Variants in ATP1B3 observed in about 807,000 individuals in gnomAD.
The protein encoded by ATP1B3 is ATPase Na+/K+ transporting subunit beta 3.
ATP1B3 carries 10 observed loss-of-function variants against 30.2 expected under a neutral mutation model. The observed-to-expected ratio is 0.33, with a 90% CI of 0.20 to 0.56. The LOEUF is 0.56. ATP1B3 is among the 20% of genes least tolerant of loss of function. ATP1B3 has a pLI of 0.90. For synonymous variants in ATP1B3, 113 were observed against 117.0 expected (o/e 0.97, Z 0.22); for missense variants, 238 against 336.7 (o/e 0.71, Z 2.29).
At chr3:141,892,662 A>AAC (rs1268645648) in intron 1 of ATP1B3, among the ~76,000 whole-genome samples, 2 of 151,160 alleles carry the variant, frequency 1.3e-5, no homozygotes, top group East Asian at 3.9e-4. Context: ...AAAAAAAAAA[A>AAC]AAAAAAAAAA....
chr3:141,884,185 C>T (rs1577956147), intron 1 of ATP1B3, among the ~76,000 whole-genome samples: 1 of 151,964 alleles, frequency 6.6e-6, no homozygotes, highest in Non-Finnish European at 1.5e-5. Flanking sequence ...TCCCACATAC[C>T]TGTTTAAACT....
chr3:141,889,756 T>TATAC lies in ATP1B3; in HGVS notation c.109+12847_109+12848insTACA, dbSNP rs1201511323. 1.9e-3 allele frequency among the ~76,000 whole-genome samples: 156 copies of TATAC among 84,026 alleles called. 4 individuals carry two copies. Among genetic ancestry groups the TATAC allele is most frequent in the East Asian group, 4.7e-3 (12 of 2,548 alleles). 55.1% of individuals were successfully genotyped at this position (84,026 alleles called of 152,430 possible). A position where few individuals can be genotyped will look rare whatever the true frequency, so the allele number is the denominator to read the frequency against. ...AAAAAAAAAAAAAAAAAAAAATATA[T>TATAC]ACACACACACACACACACACACACA... On this transcript the variant is annotated intron_variant, in intron 1 of 6. Coordinates refer to ENST00000286371, the MANE Select transcript of ATP1B3 (RefSeq NM_001679.4).
intron 5 of ATP1B3, chr3:141,916,549 A>G: frequency 1.6e-6 from 2 of 1,288,216 alleles, no homozygotes; most frequent in Non-Finnish European, 2.0e-6. Context: ...TGCAAATGCC[A>G]CTAAGACAAA....
chr3:141,889,294 C>T (rs1273366087), intron 1 of ATP1B3, among the ~76,000 whole-genome samples: 5 of 151,964 alleles, frequency 3.3e-5, no homozygotes, highest in African/African-American at 9.7e-5. Context: ...GGAGATTATA[C>T]TATAGAATAT....
rs114226108 is a variant in ATP1B3 at position 141,881,965 on chromosome 3, T to C, written c.109+5055T>C. On this transcript the variant is annotated intron_variant, in intron 1 of 6. Transcript: ENST00000286371. ...GGGAGGGAGAGAAAGGGTAAGTGTA[T>C]GTGTTGTGTTACAATACCATTGTAA... is the stretch of plus-strand genomic sequence containing the variant. 4.9e-3 allele frequency among the ~76,000 whole-genome samples: 741 copies of C among 152,292 alleles called. 3 individuals are homozygous for C. The highest frequency in any genetic ancestry group is 5.6e-3 in the Non-Finnish European group (379 of 68,014).
Position 141,876,769 on chromosome 3 carries a change from G to GCCGCAGCTCCTCTCGCCGT in ATP1B3, c.-28_-10dup. 1 of 1,561,992 alleles carries GCCGCAGCTCCTCTCGCCGT rather than the reference G, an allele frequency of 6.4e-7. No individual in the cohort carries two copies. Among genetic ancestry groups the GCCGCAGCTCCTCTCGCCGT allele is most frequent in the African/African-American group, 1.4e-5 (1 of 71,546 alleles). ...AGCCCTCGCCGCCTCCATCCCCGCG[G>GCCGCAGCTCCTCTCGCCGT]CCGCAGCTCCTCTCGCCGTCCGCGC... is the stretch of plus-strand genomic sequence containing the variant. On this transcript the variant is annotated 5_prime_UTR_variant, in exon 1 of 7. Transcript: ENST00000286371.
At chr3:141,907,057 A>T in intron 2 of ATP1B3, 110 bp from the exon 3 acceptor site, 1 of 692,488 alleles carries the variant, frequency 1.4e-6, no homozygotes, top group East Asian at 2.9e-5. Flanking sequence ...GTTTCAGCAT[A>T]CTGTCAACAC....
rs145741945 is a variant in ATP1B3 at position 141,918,786 on chromosome 3, C to T, written c.582+2766C>T. Reference sequence around the variant, plus strand: ...TCTTCTTGTTTATCTATTACGTATCCTTTGCTTCTAGAATAGTTGGGGGAA... The same window carrying T: ...TCTTCTTGTTTATCTATTACGTATCTTTTGCTTCTAGAATAGTTGGGGGAA... On this transcript the variant is annotated intron_variant, in intron 5 of 6. Coordinates refer to ENST00000286371, the MANE Select transcript of ATP1B3 (RefSeq NM_001679.4). 13 of 152,206 alleles carry T rather than the reference C, an allele frequency of 8.5e-5. No homozygotes were observed. In the East Asian group the frequency reaches 2.3e-3, roughly 27 times the overall value. The allele number at this position is 152,206 out of a possible 1,614,324, so 9.4% of individuals were successfully genotyped here.
intron 1 of ATP1B3, among the ~76,000 whole-genome samples, chr3:141,891,112 A>G (rs557410702): frequency 1.3e-4 from 20 of 152,250 alleles, no homozygotes; most frequent in Non-Finnish European, 2.6e-4. Flanking sequence ...CATTTCCCCA[A>G]TGATATGAAT....
intron 1 of ATP1B3, among the ~76,000 whole-genome samples, chr3:141,885,787 T>C (rs1933817590): frequency 6.6e-6 from 1 of 152,076 alleles, no homozygotes; most frequent in Non-Finnish European, 1.5e-5. Context: ...ATTTAAAAAC[T>C]TGAAGCACCA....
chr3:141,897,961 C>T (rs564563186), intron 1 of ATP1B3, among the ~76,000 whole-genome samples: 224 of 152,308 alleles, frequency 1.5e-3, no homozygotes, highest in African/African-American at 5.1e-3. Flanking sequence ...CTGCCTGCCT[C>T]GGCCTCTCAA....
chr3:141,884,873 TC>T lies in ATP1B3; in HGVS notation c.109+7964del, dbSNP rs1452487872. Among the ~76,000 whole-genome samples the T allele has an allele frequency of 2.2e-4, 33 of 152,344 alleles. 1 individual carries two copies. The highest frequency in any genetic ancestry group is 1.4e-3 in the Admixed American group (22 of 15,310). On this transcript the variant is annotated intron_variant, in intron 1 of 6. Coordinates refer to ENST00000286371, the MANE Select transcript of ATP1B3 (RefSeq NM_001679.4). ...TGTCTTTGGCCTTGTTTTCTCTTCTTCTTTCCTGGCAATGTCATATAACAAC... is the reference window on the plus strand; with the variant it reads ...TGTCTTTGGCCTTGTTTTCTCTTCTTTTTCCTGGCAATGTCATATAACAAC...
chr3:141,895,188 C>CTTTTTTTTT (rs1176839559), intron 1 of ATP1B3, among the ~76,000 whole-genome samples: 2 of 121,434 alleles, frequency 1.6e-5, no homozygotes, highest in Non-Finnish European at 3.5e-5. Flanking sequence ...TCTTTCTTTT[C>CTTTTTTTTT]TTTTTTTTTT....
intron 1 of ATP1B3, among the ~76,000 whole-genome samples, chr3:141,895,188 C>CTTTTTTTT (rs1176839559): frequency 8.2e-6 from 1 of 121,436 alleles, no homozygotes; most frequent in Admixed American, 8.4e-5. Context: ...TCTTTCTTTT[C>CTTTTTTTT]TTTTTTTTTT....
At chr3:141,909,267 C>A (rs1934315580) in intron 3 of ATP1B3, among the ~76,000 whole-genome samples, 1 of 152,200 alleles carries the variant, frequency 6.6e-6, no homozygotes, top group Non-Finnish European at 1.5e-5. Flanking sequence ...TGCCCTCCTC[C>A]CTTCCAGCAG....
chr3:141,879,932 TTATG>T (rs1170888100), intron 1 of ATP1B3, among the ~76,000 whole-genome samples: 1 of 150,922 alleles, frequency 6.6e-6, no homozygotes, highest in Non-Finnish European at 1.5e-5. Context: ...GAGAAAAAGA[TTATG>T]TATTTGTTGT....
intron 1 of ATP1B3, among the ~76,000 whole-genome samples, chr3:141,890,304 T>C (rs1933925399): frequency 5.0e-5 from 5 of 100,842 alleles, no homozygotes; most frequent in Admixed American, 2.1e-4. Flanking sequence ...TTTTTTTTTT[T>C]TTTTTTTTTT....
chr3:141,906,028 TATA>T (rs777835356), intron 2 of ATP1B3, among the ~76,000 whole-genome samples: 2 of 150,768 alleles, frequency 1.3e-5, no homozygotes, highest in Non-Finnish European at 3.0e-5. Flanking sequence ...GTAATACATA[TATA>T]ATATGTATTT....
Position 141,903,643 on chromosome 3 carries a change from G to C in ATP1B3, c.133G>C (p.Val45Leu). The change falls in exon 2 of 7, where the codon GTT becomes CTT. Residue 45 changes from valine (V) to leucine (L), a missense_variant. Val to Leu is a conservative substitution (Grantham distance 32). Transcript: ENST00000286371. ...SWGLILLFYL[V>L]FYGFLAALFS... is the part of the protein sequence containing the mutation. ...AGGTTTGATCTTGCTCTTCTACCTA[G>C]TTTTTTATGGGTTCCTGGCTGCACT... The C allele has an allele frequency of 6.2e-7, 1 of 1,613,964 alleles. No homozygotes were observed. Among genetic ancestry groups the C allele is most frequent in the Non-Finnish European group, 8.5e-7 (1 of 1,179,882 alleles).
Sources: allele counts gnomAD v4.1 joint callset (sites outside exome capture counted in the v4.1 genomes callset), GRCh38; gene constraint gnomAD v4.1.1; transcripts MANE v1.5; gene names NCBI Gene and HGNC (gene_info 2026-07-23, HGNC 2026-07-21).